The following LUZP2 variants were observed in gnomAD, a reference collection of about 807,000 sequenced individuals.
LUZP2 encodes leucine zipper protein 2.
In LUZP2, 52 loss-of-function variants were observed where a neutral mutation model predicts 51.6. That is an observed-to-expected ratio of 1.01 (90% confidence interval 0.81 to 1.27). The LOEUF (loss-of-function observed/expected upper bound fraction) is 1.27. Ranked by LOEUF, LUZP2 falls within the 50% of genes most tolerant of loss-of-function variation. LUZP2 has a pLI of 0.00. For synonymous variants in LUZP2, 154 were observed against 137.3 expected (o/e 1.12, Z -0.85); for missense variants, 436 against 395.4 (o/e 1.10, Z -0.87).
intron 4 of LUZP2, among the ~76,000 whole-genome samples, chr11:24,761,897 T>A (rs1471250006): frequency 6.6e-6 from 1 of 151,184 alleles, no homozygotes; most frequent in African/African-American, 2.4e-5. Context: ...TATAAAAATA[T>A]GCATGAGACA....
intron 9 of LUZP2, among the ~76,000 whole-genome samples, chr11:25,012,077 G>C (rs576380787): frequency 6.6e-6 from 1 of 151,964 alleles, no homozygotes; most frequent in Non-Finnish European, 1.5e-5. Context: ...ATTTTTGTTG[G>C]TTAGCAATGT....
In LUZP2 at chr11:24,611,773, C is replaced by T. The variant is rs1854131800; in HGVS notation, c.62+114468C>T. Among the ~76,000 whole-genome samples, 1 of 152,004 alleles carries T rather than the reference C, an allele frequency of 6.6e-6. No individual in the cohort carries two copies. The highest frequency in any genetic ancestry group is 2.1e-4 in the South Asian group (1 of 4,826). The stretch of plus-strand genomic sequence containing the variant: ...AAGATATAACTACCTCATTTATCAC[C>T]ATTATACAAATAAGAAAAGGGATAC... On this transcript the variant is annotated intron_variant, in intron 1 of 11. Transcript: ENST00000336930. This position sits in a 1 kb window ranked among gnomAD's most constrained non-coding sequence, Gnocchi z 4.6.
At chr11:24,846,391 G>A (rs959239349) in intron 5 of LUZP2, among the ~76,000 whole-genome samples, 1 of 151,536 alleles carries the variant, frequency 6.6e-6, no homozygotes, top group African/African-American at 2.4e-5. Flanking sequence ...ACGAGTAATA[G>A]AAAAATTGAA....
At chr11:24,523,323 A>G (rs538161625) in intron 1 of LUZP2, among the ~76,000 whole-genome samples, 1 of 151,252 alleles carries the variant, frequency 6.6e-6, no homozygotes, top group South Asian at 2.1e-4. Flanking sequence ...AAATATTTAT[A>G]GACAATGTAG....
chr11:24,737,293 C>A (rs1008820417), intron 3 of LUZP2, among the ~76,000 whole-genome samples: 1 of 152,004 alleles, frequency 6.6e-6, no homozygotes, highest in African/African-American at 2.4e-5. Context: ...GGGTGTGTCA[C>A]TTGCTCAAAT....
intron 1 of LUZP2, among the ~76,000 whole-genome samples, chr11:24,645,961 G>A (rs1855448677): frequency 6.6e-6 from 1 of 151,966 alleles, no homozygotes; most frequent in African/African-American, 2.4e-5. Context: ...GAAGTCTTCT[G>A]AACAATGATA....
At chr11:24,693,962 A>C (rs1815294938) in intron 1 of LUZP2, among the ~76,000 whole-genome samples, 1 of 152,110 alleles carries the variant, frequency 6.6e-6, no homozygotes, top group African/African-American at 2.4e-5. Context: ...AAATATATTT[A>C]GGATGAGGAA....
chr11:24,744,918 G>A lies in LUZP2; in HGVS notation c.333+6616G>A, dbSNP rs144329701. ...TTTGATAGGTTGTGTCATTATTGTC[G>A]TTCAGTTTGAAGATTTTTAAAATTT... On this transcript the variant is annotated intron_variant, in intron 4 of 11. Coordinates refer to ENST00000336930, the MANE Select transcript of LUZP2 (RefSeq NM_001009909.4). Among the ~76,000 whole-genome samples the A allele has an allele frequency of 9.7e-3, 1,480 of 152,016 alleles. 30 individuals are homozygous for A. Among genetic ancestry groups the A allele is most frequent in the African/African-American group, 0.031 (1,272 of 41,470 alleles).
chr11:24,791,971 C>G (rs200176614), intron 5 of LUZP2, among the ~76,000 whole-genome samples: 1 of 102,858 alleles, frequency 9.7e-6, no homozygotes, highest in East Asian at 3.1e-4. Context: ...TTTTTTTTTT[C>G]CATTCAATCC....
rs1432868091 is a variant in LUZP2 at position 24,716,564 on chromosome 11, C to G, written c.63-12605C>G. Among the ~76,000 whole-genome samples, 6 of 152,146 alleles carry G rather than the reference C, an allele frequency of 3.9e-5. No individual in the cohort carries two copies. In the South Asian group the frequency reaches 6.2e-4, roughly 16 times the overall value. ...AGGAGCCTGTTTTTCAACACTTCTG[C>G]CAGTCCAAACAAGGAAAGTGTAAAC... On this transcript the variant is annotated intron_variant, in intron 1 of 11. Transcript: ENST00000336930.
chr11:24,820,108 A>T (rs181383534), intron 5 of LUZP2, among the ~76,000 whole-genome samples: 1 of 152,146 alleles, frequency 6.6e-6, no homozygotes, highest in African/African-American at 2.4e-5. Flanking sequence ...TAGCCTAGTG[A>T]GACAAAAGAA....
At chr11:24,782,952 G>A (rs1307376920) in intron 5 of LUZP2, among the ~76,000 whole-genome samples, 1 of 151,918 alleles carries the variant, frequency 6.6e-6, no homozygotes, top group Non-Finnish European at 1.5e-5. Context: ...AAATATTAGG[G>A]GCTTTCCAAG....
At chr11:24,786,344 G>C (rs1160605933) in intron 5 of LUZP2, 2 of 981,638 alleles carry the variant, frequency 2.0e-6, no homozygotes, top group African/African-American at 3.5e-5. Context: ...GAATTCATGG[G>C]CATATCTAAT....
chr11:24,660,961 T>C (rs1590311904), intron 1 of LUZP2, among the ~76,000 whole-genome samples: 1 of 152,194 alleles, frequency 6.6e-6, no homozygotes. Context: ...ATCTATATTC[T>C]TGTTTCTTGG....
chr11:24,893,369 A>T (rs1852917506), intron 5 of LUZP2: 1 of 152,184 alleles, frequency 6.6e-6, no homozygotes, highest in Admixed American at 6.5e-5. Flanking sequence ...AGAAAAAAAC[A>T]AAAGTAGCAA....
At chr11:25,031,999 A>G (rs1468021975) in intron 9 of LUZP2, among the ~76,000 whole-genome samples, 1 of 152,126 alleles carries the variant, frequency 6.6e-6, no homozygotes, top group Non-Finnish European at 1.5e-5. Context: ...CAAGGGACCT[A>G]AAAATTGGAC....
intron 1 of LUZP2, among the ~76,000 whole-genome samples, chr11:24,664,347 A>G (rs574184400): frequency 8.5e-5 from 13 of 152,322 alleles, no homozygotes; most frequent in Admixed American, 2.0e-4. Context: ...GCAGCAAAGC[A>G]TTCAAGAGGA....
chr11:24,751,681 C>A (rs573993815), intron 4 of LUZP2: 1 of 433,030 alleles, frequency 2.3e-6, no homozygotes, highest in Non-Finnish European at 3.1e-6. Flanking sequence ...TTTCCTGTAC[C>A]CATTGCCACA....
intron 4 of LUZP2, among the ~76,000 whole-genome samples, chr11:24,741,909 A>C (rs924350276): frequency 8.4e-6 from 1 of 118,762 alleles, no homozygotes; most frequent in Admixed American, 8.8e-5. Context: ...ATATTTCTAT[A>C]TAATATATAC....
Sources: allele counts gnomAD v4.1 joint callset (sites outside exome capture counted in the v4.1 genomes callset), GRCh38; gene constraint gnomAD v4.1.1; non-coding constraint Gnocchi (gnomAD v3.1); transcripts MANE v1.5; gene names NCBI Gene and HGNC (gene_info 2026-07-23, HGNC 2026-07-21).